ABLIM3: variants seen among roughly 807,000 people sequenced by gnomAD.
ABLIM3 encodes actin-binding LIM protein 3.
A neutral mutation model predicts 109.5 loss-of-function variants in ABLIM3; 61 were observed. The observed-to-expected ratio is 0.56, with a 90% CI of 0.45 to 0.69. The LOEUF is 0.69. Ranked by LOEUF, ABLIM3 falls within the 30% of genes least tolerant of loss-of-function variation. The pLI, the probability that ABLIM3 is intolerant of heterozygous loss-of-function variation, is 0.00. For synonymous variants in ABLIM3, 300 were observed against 324.8 expected (o/e 0.92, Z 0.82); for missense variants, 796 against 889.5 (o/e 0.89, Z 1.34).
intron 10 of ABLIM3, among the ~76,000 whole-genome samples, chr5:149,234,210 A>G (rs1380700624): frequency 6.6e-6 from 1 of 152,220 alleles, no homozygotes; most frequent in Non-Finnish European, 1.5e-5. Flanking sequence ...CCGAGGAAGA[A>G]ACATTAAACT....
chr5:149,240,499 A>G, intron 13 of ABLIM3, 177 bp from the exon 14 acceptor site: 1 of 600,628 alleles, frequency 1.7e-6, no homozygotes, highest in Non-Finnish European at 3.0e-6. Context: ...GTTTCTGCCA[A>G]CGTGGTGCAT....
At chr5:149,156,528 T>C (rs1436294356) in intron 2 of ABLIM3, among the ~76,000 whole-genome samples, 1 of 152,258 alleles carries the variant, frequency 6.6e-6, no homozygotes, top group Non-Finnish European at 1.5e-5. Flanking sequence ...ATTGTTATGA[T>C]GTAGTCACCA....
At chr5:149,210,399 G>A (rs771347869) in intron 6 of ABLIM3, among the ~76,000 whole-genome samples, 3 of 152,280 alleles carry the variant, frequency 2.0e-5, no homozygotes, top group African/African-American at 4.8e-5. Context: ...CAAAGAGCCC[G>A]GCGCACACCA....
chr5:149,245,071 G>A (rs1053787749), intron 16 of ABLIM3, 56 bp downstream of exon 16: 15 of 1,606,838 alleles, frequency 9.3e-6, no homozygotes, highest in Admixed American at 1.7e-5. Flanking sequence ...CCAAGGACAC[G>A]GGTGTTCAGA....
intron 4 of ABLIM3, among the ~76,000 whole-genome samples, chr5:149,200,040 A>C (rs1332226125): frequency 6.6e-6 from 1 of 152,242 alleles, no homozygotes; most frequent in African/African-American, 2.4e-5. Flanking sequence ...CTGAGGCGTT[A>C]GTAATCTCTA....
chr5:149,169,429 C>T (rs1755161815), intron 2 of ABLIM3, among the ~76,000 whole-genome samples: 1 of 152,012 alleles, frequency 6.6e-6, no homozygotes, highest in South Asian at 2.1e-4. Context: ...GAAAACCTTC[C>T]CAGGACCCTC....
chr5:149,206,970 C>T (rs771258949), intron 5 of ABLIM3, 38 bp from the exon 6 acceptor site: 10 of 1,604,330 alleles, frequency 6.2e-6, no homozygotes, highest in Middle Eastern at 1.7e-4. Flanking sequence ...TTAAAGGGCC[C>T]AGGGTGCTTT....
chr5:149,200,495 A>G, intron 5 of ABLIM3, 67 bp downstream of exon 5: 1 of 1,511,382 alleles, frequency 6.6e-7, no homozygotes, highest in Non-Finnish European at 9.2e-7. Context: ...CTTTCCCAGC[A>G]CTGCCAACTG....
chr5:149,184,933 T>C (rs1269503989), intron 3 of ABLIM3, among the ~76,000 whole-genome samples: 1 of 152,206 alleles, frequency 6.6e-6, no homozygotes, highest in Admixed American at 6.5e-5. Flanking sequence ...ACTGGTGTGA[T>C]TTGAATTTTA....
intron 2 of ABLIM3, among the ~76,000 whole-genome samples, chr5:149,167,190 T>C (rs1754912642): frequency 6.6e-6 from 1 of 152,224 alleles, no homozygotes; most frequent in African/African-American, 2.4e-5. Flanking sequence ...ACTATTTGCA[T>C]AATAATTCTA....
intron 23 of ABLIM3, among the ~76,000 whole-genome samples, chr5:149,255,658 G>A (rs1754363676): frequency 6.6e-6 from 1 of 152,208 alleles, no homozygotes; most frequent in Non-Finnish European, 1.5e-5. Context: ...TTTCTGGGCA[G>A]AGGGAACAGC....
chr5:149,148,278 A>G lies in ABLIM3; in HGVS notation c.13+6170A>G, dbSNP rs148137433. ...GAGATGCTGGAGTGAGGTGGTGGGCAGACCTAGGTAGAGCACAGCAGGTGG... is the reference window on the plus strand; with the variant it reads ...GAGATGCTGGAGTGAGGTGGTGGGCGGACCTAGGTAGAGCACAGCAGGTGG... On this transcript the variant is annotated intron_variant, in intron 2 of 23. Coordinates refer to ENST00000309868, the MANE Select transcript of ABLIM3 (RefSeq NM_014945.5). Among the ~76,000 whole-genome samples, 1,023 of 152,250 alleles carry G rather than the reference A, an allele frequency of 6.7e-3. 16 individuals carry two copies. The highest frequency in any genetic ancestry group is 0.023 in the African/African-American group (970 of 41,548).
chr5:149,199,020 T>C (rs765821823), intron 4 of ABLIM3: 2 of 456,484 alleles, frequency 4.4e-6, no homozygotes, highest in South Asian at 3.1e-5. Context: ...ATTATCATGA[T>C]GATAGTCATC....
intron 5 of ABLIM3, among the ~76,000 whole-genome samples, chr5:149,201,533 A>C (rs886524276): frequency 1.3e-5 from 2 of 152,036 alleles, no homozygotes; most frequent in African/African-American, 4.8e-5. Flanking sequence ...GCTGAGGAGA[A>C]AGACAGTGGG....
chr5:149,175,606 A>G (rs116008403), intron 2 of ABLIM3, among the ~76,000 whole-genome samples: 287 of 152,192 alleles, frequency 1.9e-3, no homozygotes, highest in African/African-American at 6.5e-3. Context: ...GGAGGAAAGA[A>G]GAGAGGAAGG....
chr5:149,198,433 C>A lies in ABLIM3; in HGVS notation c.335+31C>A. ...TGGGCGACCAGCAGGGCCTGGGACC[C>A]TCTGCATAAGCCCCCGGGGCAGGGG... On this transcript the variant is annotated intron_variant, in intron 4 of 23. Coordinates refer to ENST00000309868, the MANE Select transcript of ABLIM3 (RefSeq NM_014945.5). The surrounding 1 kb of genome is among the most constrained non-coding windows in gnomAD (Gnocchi z 4.2). 1 of 1,575,530 alleles carries A rather than the reference C, an allele frequency of 6.3e-7. No homozygotes were observed. Among genetic ancestry groups the A allele is most frequent in the Non-Finnish European group, 8.6e-7 (1 of 1,161,658 alleles).
chr5:149,245,958 A>G (rs916636563), intron 16 of ABLIM3, among the ~76,000 whole-genome samples: 6 of 152,192 alleles, frequency 3.9e-5, no homozygotes, highest in African/African-American at 1.4e-4. Context: ...AGCCCAGGAA[A>G]TTGAGACCAG....
At chr5:149,256,315 A>G (rs1186719405) in intron 23 of ABLIM3, among the ~76,000 whole-genome samples, 1 of 152,230 alleles carries the variant, frequency 6.6e-6, no homozygotes, top group Non-Finnish European at 1.5e-5. Context: ...TCCAACAACA[A>G]TAACAAACGA....
intron 2 of ABLIM3, among the ~76,000 whole-genome samples, chr5:149,162,110 G>A (rs1053795565): frequency 6.6e-6 from 1 of 152,192 alleles, no homozygotes; most frequent in South Asian, 2.1e-4. Context: ...AAGCCTTTGC[G>A]TTAGCCTCTG....
Sources: allele counts gnomAD v4.1 joint callset (sites outside exome capture counted in the v4.1 genomes callset), GRCh38; gene constraint gnomAD v4.1.1; non-coding constraint Gnocchi (gnomAD v3.1); transcripts MANE v1.5; gene names NCBI Gene and HGNC (gene_info 2026-07-23, HGNC 2026-07-21).